Variants in FIS1 observed in about 807,000 individuals in gnomAD.
FIS1 encodes the protein fission, mitochondrial 1.
Under a neutral mutation model 21.6 loss-of-function variants are expected in FIS1, and 16 were observed. That is an observed-to-expected ratio of 0.74 (90% CI 0.50 to 1.12). The LOEUF (loss-of-function observed/expected upper bound fraction) is 1.12. Ranked by LOEUF, FIS1 falls within the 50% of genes most tolerant of loss-of-function variation. FIS1 has a pLI of 0.00. For synonymous variants in FIS1, 92 were observed against 82.2 expected, an observed-to-expected ratio of 1.12 and a Z score of -0.65; for missense variants, 198 against 190.9, an observed-to-expected ratio of 1.04 and a Z score of -0.22.
chr7:101,240,255 C>G lies in FIS1; in HGVS notation c.256-8G>C. 1.2e-6 allele frequency: 2 copies of G among 1,613,774 alleles called. No individual in the cohort carries two copies. The highest frequency in any genetic ancestry group is 4.5e-5 in the East Asian group (2 of 44,876). ...TAAGGCCTTCTCGTATTCCTGCGCTCGGGGAAACGCGCACGCGTCATACAC... is the reference window on the plus strand; with the variant it reads ...TAAGGCCTTCTCGTATTCCTGCGCTGGGGGAAACGCGCACGCGTCATACAC... On this transcript the variant is annotated splice_region_variant and splice_polypyrimidine_tract_variant and intron_variant, in intron 3 of 4. Coordinates refer to ENST00000223136, the MANE Select transcript of FIS1 (RefSeq NM_016068.3).
chr7:101,240,365 C>T lies in FIS1; in HGVS notation c.256-118G>A. 4.2e-6 allele frequency: 4 copies of T among 951,420 alleles called. No homozygotes were observed. In the South Asian group the frequency reaches 6.1e-5, roughly 14 times the overall value. 58.9% of individuals were successfully genotyped at this position (951,420 alleles called of 1,614,324 possible). On this transcript the variant is annotated intron_variant, in intron 3 of 4. Coordinates refer to ENST00000223136, the MANE Select transcript of FIS1 (RefSeq NM_016068.3). ...CCACGCTGGACGGCAGCGTCGCAAT[C>T]ACAGCCCACTGCAACCTCAAACTCC... is the stretch of plus-strand genomic sequence containing the variant.
chr7:101,239,954 G>T, intron 4 of FIS1, 51 bp from the exon 5 acceptor site: 1 of 1,519,768 alleles, frequency 6.6e-7, no homozygotes, highest in South Asian at 1.2e-5. Context: ...CGGAAACCCT[G>T]ACCGTCCCCT....
chr7:101,240,251 C>G lies in FIS1; in HGVS notation c.256-4G>C. 1.2e-6 allele frequency: 2 copies of G among 1,613,990 alleles called. No homozygotes were observed. The highest frequency in any genetic ancestry group is 2.2e-5 in the South Asian group (2 of 91,088). Reference sequence around the variant, plus strand: ...ACTTTAAGGCCTTCTCGTATTCCTGCGCTCGGGGAAACGCGCACGCGTCAT... The same window carrying G: ...ACTTTAAGGCCTTCTCGTATTCCTGGGCTCGGGGAAACGCGCACGCGTCAT... On this transcript the variant is annotated splice_region_variant and splice_polypyrimidine_tract_variant and intron_variant, in intron 3 of 4. Transcript: ENST00000223136.
intron 1 of FIS1, 57 bp downstream of exon 1, chr7:101,244,903 T>G: frequency 6.2e-7 from 1 of 1,603,612 alleles, no homozygotes; most frequent in African/African-American, 1.3e-5. Context: ...CCTACCTGAC[T>G]CTCCTCAGGA....
rs1029123210 is a variant in FIS1, at chr7:101,244,198, T to C, written c.46-59A>G. 39 of 1,571,050 alleles carry C rather than the reference T, an allele frequency of 2.5e-5. No individual in the cohort carries two copies. The African/African-American group carries it at 4.2e-4, about 17-fold the overall frequency. On this transcript the variant is annotated intron_variant, in intron 1 of 4. Coordinates refer to ENST00000223136, the MANE Select transcript of FIS1 (RefSeq NM_016068.3). The stretch of plus-strand genomic sequence containing the variant: ...TGTAGGGCGTCAACCATTCTCTATC[T>C]GGACATGCCATCTCCCTGGCTCTGC...
At chr7:101,242,981 T>C (rs970443389) in intron 2 of FIS1, among the ~76,000 whole-genome samples, 3 of 152,186 alleles carry the variant, frequency 2.0e-5, no homozygotes, top group African/African-American at 7.2e-5. Flanking sequence ...AGCATTTACA[T>C]TGTATTTGGT....
Position 101,240,864 on chromosome 7 carries a change from A to T in FIS1, c.221T>A (p.Val74Asp), listed in dbSNP as rs774867698. 1 of 1,614,082 alleles carries T rather than the reference A, an allele frequency of 6.2e-7. No homozygotes were observed. The highest frequency in any genetic ancestry group is 8.5e-7 in the Non-Finnish European group (1 of 1,180,032). ...KGSKEEQRDY[V>D]FYLAVGNYRL... ...GTAGTTCCCCACGGCCAGGTAGAAG[A>T]CGTAATCCCGCTGTTCCTCCTTGCT... The change falls in exon 3 of 5, where the codon GTC (valine) becomes GAC (aspartate). Residue 74 changes from valine to aspartate, a missense_variant. Transcript: ENST00000223136.
At chr7:101,239,927 C>A in intron 4 of FIS1, 24 bp from the exon 5 acceptor site, 1 of 1,573,204 alleles carries the variant, frequency 6.4e-7, no homozygotes, top group East Asian at 2.3e-5. Flanking sequence ...GGGACAGTGT[C>A]AGGAGCCCGG....
chr7:101,243,953 C>A, intron 2 of FIS1, 54 bp downstream of exon 2: 1 of 1,562,518 alleles, frequency 6.4e-7, no homozygotes, highest in Non-Finnish European at 8.7e-7. Context: ...CTACGGGGCC[C>A]ACATCGCAGA....
At chr7:101,243,347 G>A (rs1425487387) in intron 2 of FIS1, among the ~76,000 whole-genome samples, 1 of 152,166 alleles carries the variant, frequency 6.6e-6, no homozygotes, top group Non-Finnish European at 1.5e-5. Flanking sequence ...AGGCCGAGGT[G>A]GGCAGATCAC....
At chr7:101,241,637 CTTTTTTTTTTTTTTT>C (rs543633716) in intron 2 of FIS1, 1 of 116,664 alleles carries the variant, frequency 8.6e-6, no homozygotes, top group Non-Finnish European at 1.7e-5. Flanking sequence ...GTCTTCCTTC[CTTTTTTTTTTTTTTT>C]TTTTTTTTTT....
Position 101,239,868 on chromosome 7 carries a change from C to T in FIS1, c.397G>A (p.Ala133Thr). 2 of 1,609,118 alleles carry T rather than the reference C, an allele frequency of 1.2e-6. No homozygotes were observed. The highest frequency in any genetic ancestry group is 1.7e-6 in the Non-Finnish European group (2 of 1,177,888). ...LVGMAIVGGM[A>T]LGVAGLAGLI... ...CCGGCCAGTCCCGCCACACCCAGGG[C>T]CATGCCTCCCACGATGGCCATGCCC... Residue 133 changes from alanine to threonine, a missense_variant, in exon 5 of 5, where the codon GCC (alanine) becomes ACC (threonine). Physicochemically the swap from Ala to Thr is moderately conservative, Grantham distance 58. Coordinates refer to ENST00000223136, the MANE Select transcript of FIS1 (RefSeq NM_016068.3).
chr7:101,244,833 T>A, intron 1 of FIS1, 127 bp downstream of exon 1: 1 of 1,180,250 alleles, frequency 8.5e-7, no homozygotes, highest in Non-Finnish European at 1.2e-6. Context: ...CTGTGGAGGC[T>A]GCCGGGAGCC....
At position 101,240,171 on chromosome 7, in the gene FIS1, T is replaced by G; in HGVS notation, c.332A>C (p.Glu111Ala). The G allele has an allele frequency of 6.2e-7, 1 of 1,614,168 alleles. No homozygotes were observed. Among genetic ancestry groups the G allele is most frequent in the South Asian group, 1.1e-5 (1 of 91,086 alleles). ...EPQNNQAKEL[E>A]RLIDKAMKKD... Reference sequence around the variant, plus strand: ...CTTCATGGCCTTGTCAATGAGCCGCTCCAGTTCCTTGGCCTGGTTGTTCTG... The same window carrying G: ...CTTCATGGCCTTGTCAATGAGCCGCGCCAGTTCCTTGGCCTGGTTGTTCTG... Residue 111 changes from glutamate to alanine, a missense_variant, in exon 4 of 5, where the codon GAG becomes GCG. By Grantham distance (107) the Glu-to-Ala change is moderately radical. Coordinates refer to ENST00000223136, the MANE Select transcript of FIS1 (RefSeq NM_016068.3).
chr7:101,244,218 C>G, intron 1 of FIS1, 79 bp from the exon 2 acceptor site: 6 of 1,505,732 alleles, frequency 4.0e-6, no homozygotes, highest in Non-Finnish European at 5.3e-6. Context: ...ATCTCCCTGG[C>G]TCTGCCCCTT....
At chr7:101,244,206 C>T (rs1444050865) in intron 1 of FIS1, 67 bp from the exon 2 acceptor site, 2 of 1,553,610 alleles carry the variant, frequency 1.3e-6, no homozygotes, top group Non-Finnish European at 1.7e-6. Context: ...TCTGGACATG[C>T]CATCTCCCTG....
At chr7:101,240,437 T>G (rs899247248) in intron 3 of FIS1, among the ~76,000 whole-genome samples, 190 bp from the exon 4 acceptor site, 3 of 152,132 alleles carry the variant, frequency 2.0e-5, no homozygotes, top group African/African-American at 7.2e-5. Context: ...TAGCCGGGAT[T>G]ACAGGCGTGA....
intron 3 of FIS1, 103 bp from the exon 4 acceptor site, chr7:101,240,350 C>CCAGCGTG: frequency 8.7e-7 from 1 of 1,148,218 alleles, no homozygotes; most frequent in Non-Finnish European, 1.3e-6. Context: ...CCACGCTGGA[C>CCAGCGTG]GGCAGCGTCG....
At position 101,244,966 on chromosome 7, in the gene FIS1, G is replaced by A. The variant is rs778191410; in HGVS notation, c.39C>T (p.Asp13=). ...AVLNELVSVE[D]LLKFEKKFQS... ...TGTCCGGGCCAGGCCTCACCAGCAGGTCCTCCACAGACACCAGCTCGTTCA... is the reference window on the plus strand; with the variant it reads ...TGTCCGGGCCAGGCCTCACCAGCAGATCCTCCACAGACACCAGCTCGTTCA... The change falls in exon 1 of 5, where the codon GAC becomes GAT. Residue 13 remains aspartate, a synonymous_variant. Transcript: ENST00000223136. The A allele has an allele frequency of 3.7e-6, 6 of 1,614,054 alleles. No homozygotes were observed. Among genetic ancestry groups the A allele is most frequent in the South Asian group, 2.2e-5 (2 of 91,072 alleles).
Sources: allele counts gnomAD v4.1 joint callset (sites outside exome capture counted in the v4.1 genomes callset), GRCh38; gene constraint gnomAD v4.1.1; transcripts MANE v1.5; gene names NCBI Gene and HGNC (gene_info 2026-07-23, HGNC 2026-07-21).